The following SGMS1 variants were observed in gnomAD, a reference collection of about 807,000 sequenced individuals.
SGMS1 encodes sphingomyelin synthase 1.
A neutral mutation model predicts 46.2 loss-of-function variants in SGMS1; 13 were observed. That is an observed-to-expected ratio of 0.28 (90% CI 0.18 to 0.45). The LOEUF (loss-of-function observed/expected upper bound fraction) is 0.45. Ranked by LOEUF, SGMS1 falls within the 20% of genes least tolerant of loss-of-function variation. The pLI, the probability that SGMS1 is intolerant of heterozygous loss-of-function variation, is 1.00. For synonymous variants in SGMS1, 203 were observed against 187.8 expected (o/e 1.08, Z -0.66); for missense variants, 324 against 519.9 (o/e 0.62, Z 3.66).
intron 6 of SGMS1, among the ~76,000 whole-genome samples, chr10:50,387,880 G>A (rs575564832): frequency 6.6e-5 from 10 of 152,272 alleles, no homozygotes; most frequent in Admixed American, 4.6e-4. Context: ...AGCTGGAGTG[G>A]TTACAGCTTA....
chr10:50,591,754 A>T (rs1838543139), intron 1 of SGMS1, among the ~76,000 whole-genome samples: 2 of 152,222 alleles, frequency 1.3e-5, no homozygotes, highest in Admixed American at 6.5e-5. Context: ...CGCAAAATAC[A>T]CTAGAATATA....
At chr10:50,423,210 C>A (rs974153885) in intron 6 of SGMS1, among the ~76,000 whole-genome samples, 2 of 152,202 alleles carry the variant, frequency 1.3e-5, no homozygotes, top group African/African-American at 4.8e-5. Flanking sequence ...CAGCTCAACA[C>A]GAATTGCACC....
chr10:50,443,461 C>T (rs1256886085), intron 5 of SGMS1, among the ~76,000 whole-genome samples: 18 of 151,752 alleles, frequency 1.2e-4, no homozygotes, highest in African/African-American at 1.7e-4. Context: ...ACATCTCATT[C>T]GAAACAGGTG....
chr10:50,413,933 T>C (rs1849134022), intron 6 of SGMS1, among the ~76,000 whole-genome samples: 1 of 152,240 alleles, frequency 6.6e-6, no homozygotes, highest in South Asian at 2.1e-4. Context: ...TTTTACCACA[T>C]TGGTAATAGT....
In SGMS1 at chr10:50,405,809, G is replaced by A. The variant is rs77893871; in HGVS notation, c.-232+27667C>T. Among the ~76,000 whole-genome samples the A allele has an allele frequency of 9.2e-3, 1,406 of 152,262 alleles. 24 individuals are homozygous for A. The highest frequency in any genetic ancestry group is 0.031 in the African/African-American group (1,285 of 41,546). On this transcript the variant is annotated intron_variant, in intron 6 of 10. Transcript: ENST00000361781. ...AAACAAAAGCCTGGAATGTCATTTAGCTGAATGTCATTTCAAAAATGTGGC... is the reference window on the plus strand; with the variant it reads ...AAACAAAAGCCTGGAATGTCATTTAACTGAATGTCATTTCAAAAATGTGGC...
In SGMS1 at chr10:50,585,795, T is replaced by G. The variant is rs188204909; in HGVS notation, c.-589+4358A>C. The stretch of plus-strand genomic sequence containing the variant: ...CCTCAAGACCAAGAACCATATCTGA[T>G]TTTCACCATTTTATGCCTGAAATAC... On this transcript the variant is annotated intron_variant, in intron 2 of 10. Transcript: ENST00000361781. 2.8e-3 allele frequency among the ~76,000 whole-genome samples: 422 copies of G among 152,348 alleles called. 5 individuals are homozygous for G. The highest frequency in any genetic ancestry group is 0.024 in the Admixed American group (365 of 15,300).
At chr10:50,416,818 G>T in intron 6 of SGMS1, among the ~76,000 whole-genome samples, 3 of 133,186 alleles carry the variant, frequency 2.3e-5, no homozygotes, top group Non-Finnish European at 1.6e-5. Flanking sequence ...TCTTTCTAGG[G>T]AAGTTTCCTT....
At chr10:50,358,992 C>A (rs1249391468) in intron 6 of SGMS1, among the ~76,000 whole-genome samples, 2 of 152,136 alleles carry the variant, frequency 1.3e-5, no homozygotes, top group Non-Finnish European at 1.5e-5. Flanking sequence ...ACTTTTGATG[C>A]CTTAACCTTT....
chr10:50,411,545 C>T (rs562607836), intron 6 of SGMS1, among the ~76,000 whole-genome samples: 148 of 152,280 alleles, frequency 9.7e-4, no homozygotes, highest in African/African-American at 3.0e-3. Context: ...TCCTGCAGTG[C>T]GTGGTAATTT....
rs546924507 is a variant in SGMS1, at chr10:50,419,393, GGTCTGA to G, written c.-232+14077_-232+14082del. On this transcript the variant is annotated intron_variant, in intron 6 of 10. Transcript: ENST00000361781. ...CTGAAATAGTTCTCTGGTATTCCCT[GGTCTGA>G]GTCCCTCATTTAAGTGGTGAGAAAC... is the stretch of plus-strand genomic sequence containing the variant. Among the ~76,000 whole-genome samples the G allele has an allele frequency of 2.4e-4, 36 of 152,216 alleles. No individual in the cohort carries two copies. The East Asian group carries it at 5.6e-3, about 24-fold the overall frequency.
chr10:50,451,834 G>A lies in SGMS1; in HGVS notation c.-313+8839C>T, dbSNP rs147797816. 9.4e-4 allele frequency among the ~76,000 whole-genome samples: 143 copies of A among 152,208 alleles called. 4 individuals carry two copies. Among genetic ancestry groups the A allele is most frequent in the Admixed American group, 8.3e-3 (127 of 15,282 alleles). ...GCAGATCTGCACACTGCACATTTAA[G>A]CCATAACATTAAAAATATCTTCTTG... On this transcript the variant is annotated intron_variant, in intron 5 of 10. Coordinates refer to ENST00000361781, the MANE Select transcript of SGMS1 (RefSeq NM_147156.4).
chr10:50,317,820 T>TC lies in SGMS1; in HGVS notation c.742-6406_742-6405insG, dbSNP rs1554921832. 2.3e-3 allele frequency among the ~76,000 whole-genome samples: 351 copies of TC among 151,012 alleles called. 3 individuals carry two copies. The highest frequency in any genetic ancestry group is 8.1e-3 in the African/African-American group (334 of 41,164). On this transcript the variant is annotated intron_variant, in intron 8 of 10. Coordinates refer to ENST00000361781, the MANE Select transcript of SGMS1 (RefSeq NM_147156.4). The stretch of plus-strand genomic sequence containing the variant: ...TTTCTTTCTTTTTTTTTTTTTTTTT[T>TC]AGACAGTCTCACTCTCTTGAGAGCC...
Position 50,555,403 on chromosome 10 carries a change from C to T in SGMS1, c.-589+34750G>A, listed in dbSNP as rs144318077. On this transcript the variant is annotated intron_variant, in intron 2 of 10. Coordinates refer to ENST00000361781, the MANE Select transcript of SGMS1 (RefSeq NM_147156.4). ...AGTTCACCATCTTCCTGCTTTGAGG[C>T]CTTAAAGAAACAGGGCAGGACCTGG... is the stretch of plus-strand genomic sequence containing the variant. Among the ~76,000 whole-genome samples, 511 of 152,258 alleles carry T rather than the reference C, an allele frequency of 3.4e-3. 1 individual carries two copies. The highest frequency in any genetic ancestry group is 0.01 in the Middle Eastern group (3 of 294).
chr10:50,619,630 G>T (rs894106215), intron 1 of SGMS1, among the ~76,000 whole-genome samples: 4 of 152,206 alleles, frequency 2.6e-5, no homozygotes, highest in African/African-American at 4.8e-5. Context: ...GAACTGGAAT[G>T]TGAGCTCAGC....
chr10:50,607,871 T>C (rs1838711844), intron 1 of SGMS1, among the ~76,000 whole-genome samples: 1 of 152,230 alleles, frequency 6.6e-6, no homozygotes, highest in Non-Finnish European at 1.5e-5. Context: ...ACCACTCATA[T>C]TGTATTACAT....
chr10:50,387,779 G>A (rs1848702712), intron 6 of SGMS1, among the ~76,000 whole-genome samples: 1 of 152,190 alleles, frequency 6.6e-6, no homozygotes, highest in South Asian at 2.1e-4. Context: ...GCCACGGTAG[G>A]CTCAGAGACT....
intron 1 of SGMS1, among the ~76,000 whole-genome samples, chr10:50,599,669 C>G (rs1247267361): frequency 1.3e-5 from 2 of 152,102 alleles, no homozygotes; most frequent in Admixed American, 1.3e-4. Flanking sequence ...TCGAGACCAG[C>G]CTGGCCAACA....
intron 5 of SGMS1, among the ~76,000 whole-genome samples, chr10:50,449,446 T>C (rs749859171): frequency 2.6e-5 from 4 of 152,148 alleles, no homozygotes; most frequent in Non-Finnish European, 5.9e-5. Flanking sequence ...TATGTAGTCT[T>C]AGACAAGGCT....
chr10:50,624,524 G>A (rs1454649412), upstream of SGMS1: 1 of 914,594 alleles, frequency 1.1e-6, no homozygotes, highest in Non-Finnish European at 1.3e-6. Flanking sequence ...ACGCCTGGGA[G>A]CGCGACGGAG....
Sources: gnomAD v4.1 joint callset for allele counts (sites outside exome capture counted in the v4.1 genomes callset) on GRCh38, gnomAD v4.1.1 for gene constraint, MANE v1.5 for transcripts, NCBI Gene and HGNC (gene_info 2026-07-23, HGNC 2026-07-21) for gene names.